RAB7A: variants seen among roughly 807,000 people sequenced by gnomAD.
The protein encoded by RAB7A is ras-related protein Rab-7a.
RAB7A carries 2 observed loss-of-function variants against 24.5 expected under a neutral mutation model. That is an observed-to-expected ratio of 0.08 (90% confidence interval 0.03 to 0.26). The LOEUF (loss-of-function observed/expected upper bound fraction) is 0.26. Ranked by LOEUF, RAB7A falls within the 10% of genes least tolerant of loss-of-function variation. The pLI, the probability that RAB7A is intolerant of heterozygous loss-of-function variation, is 1.00. For synonymous variants in RAB7A, 100 were observed against 95.9 expected (o/e 1.04, Z -0.25); for missense variants, 118 against 255.7 (o/e 0.46, Z 3.67).
chr3:128,787,603 C>G (rs1177288216), intron 1 of RAB7A, among the ~76,000 whole-genome samples: 1 of 152,220 alleles, frequency 6.6e-6, no homozygotes, highest in Non-Finnish European at 1.5e-5. Context: ...GCATTTTACA[C>G]TGTTGTTTTG....
At chr3:128,735,480 G>A (rs541881407) in intron 1 of RAB7A, among the ~76,000 whole-genome samples, 9 of 152,212 alleles carry the variant, frequency 5.9e-5, no homozygotes, top group Non-Finnish European at 8.8e-5. Flanking sequence ...AAGTCAGATA[G>A]TACCCCAGTT....
intron 1 of RAB7A, among the ~76,000 whole-genome samples, chr3:128,730,716 T>C (rs1343775128): frequency 2.0e-5 from 3 of 152,218 alleles, no homozygotes; most frequent in African/African-American, 7.2e-5. Context: ...AAATATCTCC[T>C]TGTGGGAGGA....
intron 1 of RAB7A, among the ~76,000 whole-genome samples, chr3:128,784,222 A>G (rs1233193487): frequency 4.6e-5 from 7 of 152,168 alleles, no homozygotes; most frequent in Admixed American, 1.3e-4. Context: ...ATCAAACACA[A>G]TTCCTCCCCA....
chr3:128,728,643 G>T (rs1203752059), intron 1 of RAB7A, among the ~76,000 whole-genome samples: 2 of 152,062 alleles, frequency 1.3e-5, no homozygotes, highest in Non-Finnish European at 2.9e-5. Context: ...TGTATTTTTA[G>T]TAGAGACAGG....
intron 1 of RAB7A, among the ~76,000 whole-genome samples, chr3:128,792,655 G>A (rs1346609734): frequency 1.3e-5 from 2 of 151,466 alleles, no homozygotes; most frequent in African/African-American, 4.9e-5. Context: ...TGATCCACCT[G>A]CCTCGGCCTC....
At chr3:128,790,035 C>A (rs139245246) in intron 1 of RAB7A, among the ~76,000 whole-genome samples, 14 of 152,122 alleles carry the variant, frequency 9.2e-5, no homozygotes, top group South Asian at 4.2e-4. Flanking sequence ...CCTCGTGATC[C>A]ACCTACCTCA....
At chr3:128,804,634 C>T (rs1194624131) in intron 3 of RAB7A, among the ~76,000 whole-genome samples, 1 of 152,078 alleles carries the variant, frequency 6.6e-6, no homozygotes, top group Non-Finnish European at 1.5e-5. Flanking sequence ...TCTAGGAACC[C>T]GTCAACTTGT....
intron 1 of RAB7A, among the ~76,000 whole-genome samples, chr3:128,770,500 C>T (rs1194584127): frequency 6.6e-6 from 1 of 152,136 alleles, no homozygotes; most frequent in Non-Finnish European, 1.5e-5. Flanking sequence ...GGATTTTAAA[C>T]TAAGCTAGGA....
chr3:128,813,343 T>C lies in RAB7A; in HGVS notation c.545T>C (p.Leu182Pro). 6.2e-7 allele frequency: 1 copy of C among 1,614,168 alleles called. No individual in the cohort carries two copies. Among genetic ancestry groups the C allele is most frequent in the South Asian group, 1.1e-5 (1 of 91,084 alleles). The change falls in exon 6 of 6, where the codon CTG becomes CCG. Residue 182 changes from leucine to proline, a missense_variant. Leu to Pro is a moderately conservative substitution (Grantham distance 98). Coordinates refer to ENST00000265062, the MANE Select transcript of RAB7A (RefSeq NM_004637.6). ...CTTGTCCAGGAAACGGAGGTGGAGC[T>C]GTACAACGAATTTCCTGAACCTATC... is the stretch of plus-strand genomic sequence containing the variant. ...NALKQETEVELYNEFPEPIKL... is the reference protein window; with the variant it reads ...NALKQETEVEPYNEFPEPIKL...
At chr3:128,770,087 T>G (rs947257973) in intron 1 of RAB7A, among the ~76,000 whole-genome samples, 14 of 151,850 alleles carry the variant, frequency 9.2e-5, no homozygotes, top group African/African-American at 3.4e-4. Flanking sequence ...ACTGCAACCT[T>G]TGCCTTCTGG....
intron 1 of RAB7A, among the ~76,000 whole-genome samples, chr3:128,786,204 A>G (rs1343185866): frequency 6.6e-6 from 1 of 152,216 alleles, no homozygotes; most frequent in African/African-American, 2.4e-5. Flanking sequence ...GAAAGTCTGT[A>G]GTACAGTCCC....
chr3:128,772,602 A>G (rs1342367614), intron 1 of RAB7A, among the ~76,000 whole-genome samples: 1 of 152,206 alleles, frequency 6.6e-6, no homozygotes. Context: ...TACTTTGGAT[A>G]TCTGTTCTGA....
intron 1 of RAB7A, among the ~76,000 whole-genome samples, chr3:128,767,261 G>T (rs2070841225): frequency 6.6e-6 from 1 of 152,198 alleles, no homozygotes; most frequent in African/African-American, 2.4e-5. Flanking sequence ...AGGATCTGGG[G>T]GTTGGGAAAG....
chr3:128,796,227 A>C (rs1418190609), intron 2 of RAB7A, among the ~76,000 whole-genome samples: 1 of 152,094 alleles, frequency 6.6e-6, no homozygotes, highest in Non-Finnish European at 1.5e-5. Flanking sequence ...GAGGTGGCTT[A>C]TGCCCATAAT....
At chr3:128,806,723 C>A in intron 4 of RAB7A, 133 bp downstream of exon 4, 1 of 935,524 alleles carries the variant, frequency 1.1e-6, no homozygotes, top group Non-Finnish European at 1.7e-6. Context: ...ATATGCCAGC[C>A]CTTCAGGCCA....
At chr3:128,811,390 C>T (rs1327375641) in intron 5 of RAB7A, among the ~76,000 whole-genome samples, 3 of 152,192 alleles carry the variant, frequency 2.0e-5, no homozygotes, top group Admixed American at 1.3e-4. Context: ...GTAAGAACAA[C>T]TCAAATGTCC....
intron 1 of RAB7A, chr3:128,764,601 C>T (rs1446565448): frequency 3.6e-6 from 5 of 1,399,930 alleles, no homozygotes; most frequent in Admixed American, 1.7e-5. Context: ...CCTGCTCATT[C>T]AGGTAACATG....
At chr3:128,812,134 A>G (rs1257938909) in intron 5 of RAB7A, among the ~76,000 whole-genome samples, 2 of 152,166 alleles carry the variant, frequency 1.3e-5, no homozygotes, top group Non-Finnish European at 2.9e-5. Flanking sequence ...ACTTCATGGC[A>G]TGTGAGTTAA....
At chr3:128,769,661 T>C (rs2107600112) in intron 1 of RAB7A, among the ~76,000 whole-genome samples, 1 of 152,348 alleles carries the variant, frequency 6.6e-6, no homozygotes, top group South Asian at 2.1e-4. Context: ...CTTCTAGGGA[T>C]TGTGCTTTTG....
Sources: gnomAD v4.1 joint callset for allele counts (sites outside exome capture counted in the v4.1 genomes callset) on GRCh38, gnomAD v4.1.1 for gene constraint, MANE v1.5 for transcripts, NCBI Gene and HGNC (gene_info 2026-07-23, HGNC 2026-07-21) for gene names.